PSMD1: variants seen among roughly 807,000 people sequenced by gnomAD.
The protein encoded by PSMD1 is proteasome 26S subunit, non-ATPase 1, also known as 26S proteasome non-ATPase regulatory subunit 1.
Under a neutral mutation model 119.0 loss-of-function variants are expected in PSMD1, and 18 were observed. The ratio of observed to expected loss-of-function variants is 0.15; its 90% CI spans 0.10 to 0.22. The LOEUF (loss-of-function observed/expected upper bound fraction) is 0.22, where lower values mean the gene tolerates loss of function less well. PSMD1 is among the 10% of genes least tolerant of loss of function. PSMD1 has a pLI of 1.00. For synonymous variants in PSMD1, 374 were observed against 396.6 expected (o/e 0.94, Z 0.68); for missense variants, 702 against 1,158.5 (o/e 0.61, Z 5.72).
chr2:231,160,393 T>TA (rs1256796445), intron 19 of PSMD1, among the ~76,000 whole-genome samples: 2 of 152,256 alleles, frequency 1.3e-5, no homozygotes, highest in Non-Finnish European at 2.9e-5. Context: ...CGTAGATTTT[T>TA]ATATAGCTGC....
At chr2:231,081,176 CA>C (rs1218010897) in intron 12 of PSMD1, among the ~76,000 whole-genome samples, 20 of 147,848 alleles carry the variant, frequency 1.4e-4, no homozygotes, top group African/African-American at 3.7e-4. Flanking sequence ...AGATTGAAGC[CA>C]ATAGGATGAT....
intron 16 of PSMD1, among the ~76,000 whole-genome samples, chr2:231,095,190 T>G (rs1559227775): frequency 2.6e-5 from 4 of 152,230 alleles, no homozygotes; most frequent in African/African-American, 9.6e-5. Flanking sequence ...TGGGAGAGTC[T>G]GGGGCTGTAT....
In PSMD1 at chr2:231,126,009, A is replaced by G. The variant is rs562156494; in HGVS notation, c.1884-12727A>G. Among the ~76,000 whole-genome samples the G allele has an allele frequency of 2.6e-5, 4 of 152,380 alleles. No homozygotes were observed. In the East Asian group the frequency reaches 7.7e-4, roughly 29 times the overall value. On this transcript the variant is annotated intron_variant, in intron 16 of 24. Transcript: ENST00000308696. ...CTGCTTTTTTAAAAACTCAAAATTT[A>G]CTATATTAGAAAAAATACTTGTGAA...
chr2:231,135,503 GT>G (rs1160462315), intron 16 of PSMD1, among the ~76,000 whole-genome samples: 1 of 152,048 alleles, frequency 6.6e-6, no homozygotes, highest in Non-Finnish European at 1.5e-5. Context: ...TAGAACATGA[GT>G]TTTAGACTTC....
At position 231,170,485 on chromosome 2, in the gene PSMD1, C is replaced by T. The variant is rs1341482458; in HGVS notation, c.2716-81C>T. The T allele has an allele frequency of 7.4e-7, 1 of 1,360,006 alleles. No individual in the cohort carries two copies. Among genetic ancestry groups the T allele is most frequent in the South Asian group, 1.7e-5 (1 of 60,096 alleles). 84.2% of individuals were successfully genotyped at this position (1,360,006 alleles called of 1,614,324 possible). A position where few individuals can be genotyped will look rare whatever the true frequency, so the allele number is the denominator to read the frequency against. ...AAATCATTTAAGTAGTTTTAAAGTACCATTTAACAAGTATTTACTCTAGAT... is the reference window on the plus strand; with the variant it reads ...AAATCATTTAAGTAGTTTTAAAGTATCATTTAACAAGTATTTACTCTAGAT... On this transcript the variant is annotated intron_variant, in intron 23 of 24. Coordinates refer to ENST00000308696, the MANE Select transcript of PSMD1 (RefSeq NM_002807.4). This position sits in a 1 kb window ranked among gnomAD's most constrained non-coding sequence, Gnocchi z 4.1.
Position 231,145,220 on chromosome 2 carries a change from T to C in PSMD1, c.1999-1020T>C, listed in dbSNP as rs182174660. On this transcript the variant is annotated intron_variant, in intron 17 of 24. Coordinates refer to ENST00000308696, the MANE Select transcript of PSMD1 (RefSeq NM_002807.4). ...CAGTTCCGTGAATGTACAAACATCA[T>C]AGAGTATACTTACACAAACATAGAT... 5.3e-5 allele frequency among the ~76,000 whole-genome samples: 8 copies of C among 152,364 alleles called. No individual in the cohort carries two copies. The East Asian group carries it at 1.3e-3, about 26-fold the overall frequency.
At chr2:231,140,883 A>C (rs552390520) in intron 17 of PSMD1, among the ~76,000 whole-genome samples, 1 of 149,970 alleles carries the variant, frequency 6.7e-6, no homozygotes, top group South Asian at 2.1e-4. Context: ...CATCTCAAAA[A>C]AAAGGCCAGG....
At chr2:231,078,162 C>A (rs765858596) in intron 9 of PSMD1, among the ~76,000 whole-genome samples, 1 of 152,138 alleles carries the variant, frequency 6.6e-6, no homozygotes, top group Non-Finnish European at 1.5e-5. Context: ...CAGCTACTCG[C>A]GAGACTGAGG....
At chr2:231,171,451 C>CCCCATTTTCTT (rs1696907314) in intron 24 of PSMD1, among the ~76,000 whole-genome samples, 1 of 152,018 alleles carries the variant, frequency 6.6e-6, no homozygotes, top group Non-Finnish European at 1.5e-5. Context: ...TTCTTCATTT[C>CCCCATTTTCTT]CCCATTTTCT....
At chr2:231,061,595 C>T (rs879693859) in intron 2 of PSMD1, among the ~76,000 whole-genome samples, 4 of 151,982 alleles carry the variant, frequency 2.6e-5, no homozygotes, top group Non-Finnish European at 5.9e-5. Flanking sequence ...GACAGAGTCT[C>T]GCTTTATCAC....
rs112045018 is a variant in PSMD1, at chr2:231,068,686, A to G, written c.511-1339A>G. On this transcript the variant is annotated intron_variant, in intron 5 of 24. Transcript: ENST00000308696. ...TAGATCTATGCTGTGTACACTGCCT[A>G]TTAGTCACTTTAGTGGCCACCTTGC... 4.8e-4 allele frequency among the ~76,000 whole-genome samples: 73 copies of G among 152,344 alleles called. 1 individual carries two copies. The highest frequency in any genetic ancestry group is 1.7e-3 in the African/African-American group (71 of 41,580).
At chr2:231,119,299 A>G (rs960730962) in intron 16 of PSMD1, among the ~76,000 whole-genome samples, 3 of 152,174 alleles carry the variant, frequency 2.0e-5, no homozygotes, top group South Asian at 2.1e-4. Flanking sequence ...TTAGACTTGC[A>G]TCTCAACTAA....
chr2:231,100,489 T>C (rs1205593282), intron 16 of PSMD1, among the ~76,000 whole-genome samples: 1 of 152,014 alleles, frequency 6.6e-6, no homozygotes, highest in Non-Finnish European at 1.5e-5. Flanking sequence ...TGAGTTAGGG[T>C]GGACCAGGTG....
chr2:231,092,962 A>C (rs1455548566), intron 16 of PSMD1, among the ~76,000 whole-genome samples: 1 of 152,170 alleles, frequency 6.6e-6, no homozygotes, highest in Non-Finnish European at 1.5e-5. Context: ...AGGATAGTGG[A>C]GTGATATATA....
At chr2:231,119,811 A>T (rs1354197080) in intron 16 of PSMD1, among the ~76,000 whole-genome samples, 1 of 142,674 alleles carries the variant, frequency 7.0e-6, no homozygotes, top group African/African-American at 2.6e-5. Context: ...TGGAGGTTGC[A>T]GTGAACTGAG....
At chr2:231,088,062 T>G (rs533023592) in intron 16 of PSMD1, among the ~76,000 whole-genome samples, 1 of 152,272 alleles carries the variant, frequency 6.6e-6, no homozygotes, top group African/African-American at 2.4e-5. Context: ...TTGCTCAACC[T>G]CTTTGCGCCT....
chr2:231,067,915 C>T (rs1002788194), intron 5 of PSMD1, among the ~76,000 whole-genome samples: 1 of 152,196 alleles, frequency 6.6e-6, no homozygotes, highest in Middle Eastern at 3.2e-3. Context: ...TCTCAGCCGC[C>T]CAAAGTGCTG....
intron 18 of PSMD1, among the ~76,000 whole-genome samples, chr2:231,149,141 C>T (rs1455763224): frequency 4.6e-5 from 7 of 152,234 alleles, no homozygotes; most frequent in African/African-American, 1.4e-4. Flanking sequence ...TAGCTCCACA[C>T]GTTGCCCTCT....
chr2:231,073,906 A>G (rs1694098749), intron 7 of PSMD1, among the ~76,000 whole-genome samples: 1 of 151,926 alleles, frequency 6.6e-6, no homozygotes, highest in African/African-American at 2.4e-5. Flanking sequence ...TAAATTTTTT[A>G]AAGTAGATCC....
Sources: allele counts gnomAD v4.1 joint callset (sites outside exome capture counted in the v4.1 genomes callset), GRCh38; gene constraint gnomAD v4.1.1; non-coding constraint Gnocchi (gnomAD v3.1); transcripts MANE v1.5; gene names NCBI Gene and HGNC (gene_info 2026-07-23, HGNC 2026-07-21).